Variants in MTA3 observed in about 807,000 individuals in gnomAD.
MTA3 encodes the protein metastasis associated 1 family member 3, also known as metastasis-associated protein MTA3.
Under a neutral mutation model 83.5 loss-of-function variants are expected in MTA3, and 34 were observed. The ratio of observed to expected loss-of-function variants is 0.41; its 90% CI spans 0.31 to 0.54. The LOEUF is 0.54. MTA3 is among the 20% of genes least tolerant of loss of function. The pLI is 0.33. For synonymous variants in MTA3, 303 were observed against 252.7 expected (o/e 1.20, Z -1.89); for missense variants, 761 against 726.4 (o/e 1.05, Z -0.55).
At chr2:42,711,692 C>A (rs772960499) in intron 14 of MTA3, among the ~76,000 whole-genome samples, 35 of 151,648 alleles carry the variant, frequency 2.3e-4, no homozygotes, top group Non-Finnish European at 4.0e-4. Flanking sequence ...ATGTCTTGAT[C>A]TTGGCTTGTT....
chr2:42,535,949 T>A (rs533043312), intron 2 of MTA3, among the ~76,000 whole-genome samples: 76 of 151,586 alleles, frequency 5.0e-4, no homozygotes, highest in African/African-American at 1.8e-3. Flanking sequence ...TGAGATCCCG[T>A]CTCTACAAAA....
intron 3 of MTA3, among the ~76,000 whole-genome samples, chr2:42,590,696 C>T (rs1680881353): frequency 6.9e-6 from 1 of 145,308 alleles, no homozygotes; most frequent in Non-Finnish European, 1.5e-5. Context: ...TCTCGGCTCA[C>T]TGCAACCTCC....
intron 16 of MTA3, among the ~76,000 whole-genome samples, chr2:42,728,099 A>G (rs902077897): frequency 1.3e-5 from 2 of 152,098 alleles, no homozygotes; most frequent in Non-Finnish European, 2.9e-5. Context: ...TCCTACCACT[A>G]TCCTTCCTAC....
At chr2:42,646,984 G>A (rs1688254611) in intron 6 of MTA3, among the ~76,000 whole-genome samples, 1 of 151,166 alleles carries the variant, frequency 6.6e-6, no homozygotes, top group African/African-American at 2.4e-5. Flanking sequence ...GTGAAACCTC[G>A]TCTCTACTAA....
intron 16 of MTA3, among the ~76,000 whole-genome samples, chr2:42,751,715 A>G (rs961438897): frequency 6.6e-6 from 1 of 152,196 alleles, no homozygotes; most frequent in Non-Finnish European, 1.5e-5. Flanking sequence ...ATAAAAGCAC[A>G]ATTTACCATG....
At chr2:42,662,599 A>G (rs145071741) in intron 8 of MTA3, among the ~76,000 whole-genome samples, 4 of 151,950 alleles carry the variant, frequency 2.6e-5, no homozygotes, top group Non-Finnish European at 5.9e-5. Context: ...TTTGTTTTGT[A>G]GATCTATTTT....
intron 3 of MTA3, among the ~76,000 whole-genome samples, chr2:42,592,410 T>C (rs1303027099): frequency 1.3e-5 from 2 of 151,892 alleles, no homozygotes; most frequent in Non-Finnish European, 2.9e-5. Flanking sequence ...ATAACAAGAC[T>C]CCGTCTCTAC....
In MTA3 at chr2:42,568,643, G is replaced by GCAGCGA; in HGVS notation, c.-101_-96dup. The GCAGCGA allele has an allele frequency of 1.7e-6, 1 of 573,418 alleles. No individual in the cohort carries two copies. Among genetic ancestry groups the GCAGCGA allele is most frequent in the South Asian group, 7.7e-5 (1 of 12,954 alleles). 35.5% of individuals were successfully genotyped at this position (573,418 alleles called of 1,614,324 possible). ...CTCCCTTCCCCCCCGTGGCGAGGCAGCAGCGACGGCGGCGGCGGCAGCGGC... is the reference window on the plus strand; with the variant it reads ...CTCCCTTCCCCCCCGTGGCGAGGCAGCAGCGACAGCGACGGCGGCGGCGGCAGCGGC... On this transcript the variant is annotated 5_prime_UTR_variant, in exon 1 of 17. Transcript: ENST00000405094.
intron 2 of MTA3, among the ~76,000 whole-genome samples, chr2:42,573,802 C>T (rs1678743165): frequency 6.6e-6 from 1 of 151,614 alleles, no homozygotes. Flanking sequence ...TGAGCCACTG[C>T]CCCAGCATTT....
chr2:42,697,231 A>G (rs914445914), intron 10 of MTA3, among the ~76,000 whole-genome samples: 2 of 152,176 alleles, frequency 1.3e-5, no homozygotes, highest in African/African-American at 4.8e-5. Flanking sequence ...TTCCAGTAGA[A>G]TATTATGTGA....
chr2:42,565,011 C>T (rs1677845250), upstream of MTA3, among the ~76,000 whole-genome samples: 1 of 152,138 alleles, frequency 6.6e-6, no homozygotes, highest in Non-Finnish European at 1.5e-5. Flanking sequence ...CTCCTGACCT[C>T]ATGATCCGCC....
chr2:42,517,901 A>G (rs1022582988), intron 2 of MTA3, among the ~76,000 whole-genome samples: 33 of 151,126 alleles, frequency 2.2e-4, no homozygotes, highest in Non-Finnish European at 4.3e-4. Context: ...AAAATACAGT[A>G]GAGGCTGGGC....
At chr2:42,739,631 T>A (rs574709612) in intron 16 of MTA3, among the ~76,000 whole-genome samples, 62 of 152,320 alleles carry the variant, frequency 4.1e-4, no homozygotes, top group African/African-American at 1.4e-3. Flanking sequence ...AGTGGACTCT[T>A]CCTTTCACGA....
chr2:42,613,126 C>T (rs751911952), intron 4 of MTA3, among the ~76,000 whole-genome samples: 2 of 152,174 alleles, frequency 1.3e-5, no homozygotes, highest in Non-Finnish European at 1.5e-5. Flanking sequence ...ATTATCAAGA[C>T]ACTTCTTTGT....
At chr2:42,674,716 A>C (rs1435362163) in intron 8 of MTA3, among the ~76,000 whole-genome samples, 3 of 149,560 alleles carry the variant, frequency 2.0e-5, no homozygotes, top group Non-Finnish European at 3.0e-5. Flanking sequence ...CTCCTGCCTC[A>C]GCCTCCCGAG....
rs1476703335 is a variant in MTA3, at chr2:42,668,997, CTGTT to C, written c.702+9143_702+9146del. 1.3e-4 allele frequency among the ~76,000 whole-genome samples: 20 copies of C among 151,690 alleles called. No individual in the cohort carries two copies. The East Asian group carries it at 3.7e-3, about 28-fold the overall frequency. On this transcript the variant is annotated intron_variant, in intron 8 of 16. Transcript: ENST00000405094. ...CTAGCCATCAATCACGTACTTCATTCTGTTTGTTTGTGAGTCTTGTTTCATTTAG... is the reference window on the plus strand; with the variant it reads ...CTAGCCATCAATCACGTACTTCATTCTGTTTGTGAGTCTTGTTTCATTTAG...
chr2:42,500,226 C>G (rs1318462947), intron 2 of MTA3, among the ~76,000 whole-genome samples: 1 of 152,130 alleles, frequency 6.6e-6, no homozygotes, highest in African/African-American at 2.4e-5. Flanking sequence ...TAGTGAAACC[C>G]CATCTGTACT....
In MTA3 at chr2:42,756,491, G is replaced by A. The variant is rs1367309855; in HGVS notation, c.*3092G>A. 9 of 985,468 alleles carry A rather than the reference G, an allele frequency of 9.1e-6. No homozygotes were observed. The highest frequency in any genetic ancestry group is 1.1e-5 in the Non-Finnish European group (9 of 830,082). The allele number at this position is 985,468 out of a possible 1,614,324, so 61.0% of individuals were successfully genotyped here. ...AGGTGGGGCTGTGCGTGGCCTCAGT[G>A]CACTCGGTGTCATGTCTGAGCCTGG... is the stretch of plus-strand genomic sequence containing the variant. On this transcript the variant is annotated 3_prime_UTR_variant, in exon 17 of 17. Coordinates refer to ENST00000405094, the MANE Select transcript of MTA3 (RefSeq NM_001330442.2).
chr2:42,667,621 A>AGAGAGAG (rs1690385863), intron 8 of MTA3, among the ~76,000 whole-genome samples: 3 of 114,076 alleles, frequency 2.6e-5, no homozygotes, highest in African/African-American at 3.3e-5. Flanking sequence ...TAGAGAGAGA[A>AGAGAGAG]AGAGAGAGAG....
Sources: allele counts gnomAD v4.1 joint callset (sites outside exome capture counted in the v4.1 genomes callset), GRCh38; gene constraint gnomAD v4.1.1; transcripts MANE v1.5; gene names NCBI Gene and HGNC (gene_info 2026-07-23, HGNC 2026-07-21).